The following CREB5 variants were observed in gnomAD, a reference collection of about 807,000 sequenced individuals.
CREB5 encodes the protein cyclic AMP-responsive element-binding protein 5.
In CREB5, 19 loss-of-function variants were observed where a neutral mutation model predicts 57.1. The observed-to-expected ratio is 0.33, with a 90% CI of 0.23 to 0.49. The LOEUF (loss-of-function observed/expected upper bound fraction) is 0.49. CREB5 is among the 20% of genes least tolerant of loss of function. The probability of loss-of-function intolerance (pLI) is 0.99; values close to 1 mark genes in which losing one functional copy is unlikely to be tolerated. For missense variants in CREB5, 579 were observed against 671.6 expected (o/e 0.86, Z 1.52); for synonymous variants, 238 against 238.3 (o/e 1.00, Z 0.01).
intron 5 of CREB5, among the ~76,000 whole-genome samples, chr7:28,579,472 T>G (rs1393595361): frequency 6.6e-6 from 1 of 152,030 alleles, no homozygotes; most frequent in African/African-American, 2.4e-5. Flanking sequence ...GCAAAGTGCA[T>G]TTTGGCTGAT....
chr7:28,416,480 G>A (rs922154803), intron 1 of CREB5, among the ~76,000 whole-genome samples: 1 of 152,154 alleles, frequency 6.6e-6, no homozygotes, highest in African/African-American at 2.4e-5. Flanking sequence ...GTTGGCTTCT[G>A]ACTGGCCAGG....
intron 1 of CREB5, chr7:28,435,646 C>T (rs796415254): frequency 7.1e-6 from 7 of 985,186 alleles, no homozygotes; most frequent in South Asian, 9.4e-5. Flanking sequence ...ATTTCTGAAA[C>T]GATCTCATTT....
chr7:28,379,772 A>G (rs1786923185), intron 1 of CREB5, among the ~76,000 whole-genome samples: 1 of 152,260 alleles, frequency 6.6e-6, no homozygotes, highest in Non-Finnish European at 1.5e-5. Flanking sequence ...AATGGTTCTC[A>G]AAGCAGAGTT....
chr7:28,647,593 A>G (rs1798936055), intron 5 of CREB5, among the ~76,000 whole-genome samples: 1 of 152,198 alleles, frequency 6.6e-6, no homozygotes, highest in African/African-American at 2.4e-5. Context: ...GAAATCTGCA[A>G]CTTCTGGAGA....
intron 7 of CREB5, among the ~76,000 whole-genome samples, chr7:28,781,083 C>G (rs1806944072): frequency 6.6e-6 from 1 of 152,142 alleles, no homozygotes; most frequent in Non-Finnish European, 1.5e-5. Context: ...GAAGTGTGGA[C>G]TTCATTGGTT....
At chr7:28,797,856 A>G (rs1230254642) in intron 7 of CREB5, among the ~76,000 whole-genome samples, 1 of 152,176 alleles carries the variant, frequency 6.6e-6, no homozygotes, top group African/African-American at 2.4e-5. Flanking sequence ...AAAAGCAATG[A>G]AGTGAAGGCT....
At chr7:28,577,056 A>G (rs1266100992) in intron 5 of CREB5, among the ~76,000 whole-genome samples, 1 of 152,244 alleles carries the variant, frequency 6.6e-6, no homozygotes, top group Non-Finnish European at 1.5e-5. Context: ...GAGGGGAGTC[A>G]AGGAAAAGCA....
intron 4 of CREB5, among the ~76,000 whole-genome samples, chr7:28,558,100 G>A (rs1197475164): frequency 6.6e-6 from 1 of 152,156 alleles, no homozygotes; most frequent in Non-Finnish European, 1.5e-5. Flanking sequence ...ATGCTGTTTT[G>A]TTTGCTGTGA....
At chr7:28,816,112 G>T (rs1809426611) in intron 9 of CREB5, among the ~76,000 whole-genome samples, 1 of 150,580 alleles carries the variant, frequency 6.6e-6, no homozygotes, top group East Asian at 1.9e-4. Flanking sequence ...TCCTTTCTTG[G>T]TTTTTGTTTG....
chr7:28,613,448 C>T (rs1014165229), intron 5 of CREB5, among the ~76,000 whole-genome samples: 11 of 152,254 alleles, frequency 7.2e-5, no homozygotes, highest in East Asian at 1.9e-4. Context: ...ATCCTCTTTA[C>T]GACTTATGAC....
intron 9 of CREB5, among the ~76,000 whole-genome samples, chr7:28,810,650 C>G (rs897221361): frequency 6.6e-6 from 1 of 152,008 alleles, no homozygotes; most frequent in African/African-American, 2.4e-5. Flanking sequence ...GAGCCAAGAT[C>G]GCACCACGGT....
chr7:28,746,346 C>T (rs1300775595), intron 7 of CREB5, among the ~76,000 whole-genome samples: 1 of 152,192 alleles, frequency 6.6e-6, no homozygotes, highest in Non-Finnish European at 1.5e-5. Context: ...TCTGTAGAGG[C>T]TCGTTTCAAT....
intron 1 of CREB5, among the ~76,000 whole-genome samples, chr7:28,479,699 C>T (rs1036743510): frequency 3.3e-5 from 5 of 152,176 alleles, no homozygotes. Flanking sequence ...CCTGGGAATG[C>T]CCCAGCTTTC....
intron 3 of CREB5, among the ~76,000 whole-genome samples, chr7:28,507,201 T>G (rs188832241): frequency 6.6e-6 from 1 of 152,130 alleles, no homozygotes; most frequent in East Asian, 1.9e-4. Context: ...TCCAGCCCCC[T>G]GAAGTCAGGC....
At chr7:28,804,123 C>A in intron 7 of CREB5, 76 bp from the exon 8 acceptor site, 1 of 1,359,940 alleles carries the variant, frequency 7.4e-7, no homozygotes, top group Non-Finnish European at 1.0e-6. Flanking sequence ...AAATGTGAGT[C>A]ATTTTGCTTT....
chr7:28,626,357 A>G (rs1797997211), intron 5 of CREB5, among the ~76,000 whole-genome samples: 1 of 152,196 alleles, frequency 6.6e-6, no homozygotes, highest in African/African-American at 2.4e-5. Context: ...ATACTCATTG[A>G]CTGCTGGCTA....
At chr7:28,601,173 T>A (rs1312903691) in intron 5 of CREB5, among the ~76,000 whole-genome samples, 2 of 152,212 alleles carry the variant, frequency 1.3e-5, no homozygotes, top group Admixed American at 6.5e-5. Context: ...ATTATTATTT[T>A]TTTTTTTGGA....
At chr7:28,678,203 C>T (rs1384515921) in intron 5 of CREB5, among the ~76,000 whole-genome samples, 1 of 152,104 alleles carries the variant, frequency 6.6e-6, no homozygotes, top group Non-Finnish European at 1.5e-5. Flanking sequence ...GCCTGGCCCA[C>T]ATGGTGAAAC....
intron 1 of CREB5, among the ~76,000 whole-genome samples, chr7:28,338,076 T>C (rs750711840): frequency 3.9e-5 from 6 of 152,182 alleles, no homozygotes; most frequent in Non-Finnish European, 5.9e-5. Flanking sequence ...ACAGTCTATG[T>C]CTTCAAAAGC....
Sources: gnomAD v4.1 joint callset for allele counts (sites outside exome capture counted in the v4.1 genomes callset) on GRCh38, gnomAD v4.1.1 for gene constraint, MANE v1.5 for transcripts, NCBI Gene and HGNC (gene_info 2026-07-23, HGNC 2026-07-21) for gene names.